Variants in GNB4 observed in about 807,000 individuals in gnomAD.
GNB4 encodes the protein G protein subunit beta 4, also known as guanine nucleotide-binding protein subunit beta-4.
GNB4 carries 28 observed loss-of-function variants against 45.2 expected under a neutral mutation model. That is an observed-to-expected ratio of 0.62 (90% CI 0.46 to 0.85). The LOEUF is 0.85. GNB4 is among the 40% of genes least tolerant of loss of function. The pLI, the probability that GNB4 is intolerant of heterozygous loss-of-function variation, is 0.00. For missense variants in GNB4, 321 were observed against 425.4 expected (o/e 0.75, Z 2.16); for synonymous variants, 132 against 143.7 (o/e 0.92, Z 0.58).
chr3:179,431,821 A>C lies in GNB4; in HGVS notation c.-42-5579T>G, dbSNP rs185126349. Among the ~76,000 whole-genome samples, 152 of 152,292 alleles carry C rather than the reference A, an allele frequency of 1.0e-3. 1 individual carries two copies. Among genetic ancestry groups the C allele is most frequent in the African/African-American group, 3.5e-3 (146 of 41,554 alleles). ...ACTATCAGTGAAGCTAAGATTCCTC[A>C]GTGTGTTCAGCTGTTAACAGCTTAA... On this transcript the variant is annotated intron_variant, in intron 1 of 9. Coordinates refer to ENST00000232564, the MANE Select transcript of GNB4 (RefSeq NM_021629.4).
At chr3:179,407,596 G>A (rs1714509135) in intron 8 of GNB4, among the ~76,000 whole-genome samples, 1 of 152,204 alleles carries the variant, frequency 6.6e-6, no homozygotes, top group African/African-American at 2.4e-5. Context: ...TGGCCTCCCT[G>A]AGTTGAGGAG....
At chr3:179,524,649 A>T in the GNB4 span, among the ~76,000 whole-genome samples, 2 of 152,110 alleles carry the variant, frequency 1.3e-5, no homozygotes, top group African/African-American at 2.4e-5. Context: ...CACATTGAGA[A>T]TAAGACGGCC....
At chr3:179,503,616 T>C in the GNB4 span, among the ~76,000 whole-genome samples, 2 of 152,234 alleles carry the variant, frequency 1.3e-5, no homozygotes, top group Non-Finnish European at 2.9e-5. Flanking sequence ...ACAGCTTTGA[T>C]TTTCTGTTCC....
At chr3:179,434,646 C>T (rs575112415) in intron 1 of GNB4, among the ~76,000 whole-genome samples, 4 of 151,426 alleles carry the variant, frequency 2.6e-5, no homozygotes, top group East Asian at 1.9e-4. Context: ...GCTTGAACCT[C>T]GGAGGCAGAG....
chr3:179,453,850 A>G (rs1386405853), upstream of GNB4, among the ~76,000 whole-genome samples: 1 of 91,366 alleles, frequency 1.1e-5, no homozygotes, highest in East Asian at 3.2e-4. Context: ...ATTGTTCTGG[A>G]AAAAAAAAAA....
chr3:179,458,933 CT>C, the GNB4 span, among the ~76,000 whole-genome samples: 1 of 152,120 alleles, frequency 6.6e-6, no homozygotes, highest in Non-Finnish European at 1.5e-5. Context: ...AAATTTCCTA[CT>C]TTAGTATTTC....
At chr3:179,511,535 A>G in the GNB4 span, among the ~76,000 whole-genome samples, 1 of 152,302 alleles carries the variant, frequency 6.6e-6, no homozygotes, top group South Asian at 2.1e-4. Context: ...AAAGACTCTG[A>G]AGGCAAAGTG....
At chr3:179,519,315 T>C in the GNB4 span, among the ~76,000 whole-genome samples, 1 of 152,224 alleles carries the variant, frequency 6.6e-6, no homozygotes, top group Non-Finnish European at 1.5e-5. Context: ...CCAGATCTTC[T>C]TGGTTTAGCG....
intron 1 of GNB4, among the ~76,000 whole-genome samples, chr3:179,429,006 TCAC>T (rs1472956077): frequency 2.0e-5 from 3 of 152,184 alleles, no homozygotes; most frequent in Non-Finnish European, 4.4e-5. Flanking sequence ...AGCAGTTCCC[TCAC>T]CACCATCACT....
intron 1 of GNB4, among the ~76,000 whole-genome samples, chr3:179,448,321 CA>C (rs1715788806): frequency 6.6e-6 from 1 of 152,180 alleles, no homozygotes; most frequent in African/African-American, 2.4e-5. Context: ...CCCAAAATAT[CA>C]ATGAATTTAC....
the GNB4 span, among the ~76,000 whole-genome samples, chr3:179,525,174 A>C: frequency 6.6e-6 from 1 of 152,178 alleles, no homozygotes; most frequent in Admixed American, 6.5e-5. Context: ...CTGGACGTCG[A>C]GCACCTCAGA....
the GNB4 span, among the ~76,000 whole-genome samples, chr3:179,469,388 C>T: frequency 2.0e-5 from 3 of 152,208 alleles, no homozygotes; most frequent in African/African-American, 7.2e-5. Context: ...TGAGATAAAT[C>T]ACATATGAAA....
chr3:179,419,416 A>G lies in GNB4; in HGVS notation c.186T>C (p.His62=), dbSNP rs149798652. Residue 62 remains histidine, a synonymous_variant, in exon 4 of 10, where the codon CAT becomes CAC. Coordinates refer to ENST00000232564, the MANE Select transcript of GNB4 (RefSeq NM_021629.4). ...GTACAAACCTGGAATCGTATCCCCA[A>G]TGCATAGCATAGATTTTAGCTAGGT... ...RGHLAKIYAM[H]WGYDSRLLVS... The G allele has an allele frequency of 1.8e-3, 2,938 of 1,605,316 alleles. 13 individuals are homozygous for G. The highest frequency in any genetic ancestry group is 2.2e-3 in the Non-Finnish European group (2,540 of 1,171,952).
At position 179,423,200 on chromosome 3, in the gene GNB4, C is replaced by T. The variant is rs117240705; in HGVS notation, c.58-2273G>A. Among the ~76,000 whole-genome samples the T allele has an allele frequency of 1.4e-3, 214 of 152,248 alleles. 4 individuals carry two copies. In the East Asian group the frequency reaches 0.033, roughly 23 times the overall value. ...GAGGAGATGATTTGGTGAGCACCTG[C>T]GCCCACGACATTGTGCTTGGGATGC... On this transcript the variant is annotated intron_variant, in intron 2 of 9. Coordinates refer to ENST00000232564, the MANE Select transcript of GNB4 (RefSeq NM_021629.4).
the GNB4 span, among the ~76,000 whole-genome samples, chr3:179,519,503 G>GTGCA: frequency 4.0e-5 from 6 of 150,900 alleles, no homozygotes; most frequent in African/African-American, 1.2e-4. Context: ...CATAACTGTT[G>GTGCA]TATTGATGGC....
chr3:179,455,066 G>T (rs187213388), upstream of GNB4, among the ~76,000 whole-genome samples: 5 of 152,174 alleles, frequency 3.3e-5, no homozygotes, highest in Admixed American at 2.6e-4. Flanking sequence ...AGTCACCTTT[G>T]CTGTACTCCT....
At chr3:179,509,476 A>T in the GNB4 span, among the ~76,000 whole-genome samples, 1 of 152,074 alleles carries the variant, frequency 6.6e-6, no homozygotes, top group Non-Finnish European at 1.5e-5. Context: ...CCGAGTGAAG[A>T]GAGTTAGGTG....
chr3:179,454,796 TACA>T (rs1282212141), upstream of GNB4, among the ~76,000 whole-genome samples: 2 of 152,142 alleles, frequency 1.3e-5, no homozygotes, highest in Non-Finnish European at 2.9e-5. Context: ...ATTATATACA[TACA>T]ACATCACAAC....
intron 2 of GNB4, among the ~76,000 whole-genome samples, chr3:179,424,111 C>T (rs1715076597): frequency 6.6e-6 from 1 of 152,204 alleles, no homozygotes; most frequent in East Asian, 1.9e-4. Flanking sequence ...GCAGAACACA[C>T]CTGGTCTGAA....
Sources: allele counts gnomAD v4.1 joint callset (sites outside exome capture counted in the v4.1 genomes callset), GRCh38; gene constraint gnomAD v4.1.1; transcripts MANE v1.5; gene names NCBI Gene and HGNC (gene_info 2026-07-23, HGNC 2026-07-21).